The following LRTM3 variants were observed in gnomAD, a reference collection of about 807,000 sequenced individuals.
LRTM3 encodes leucine-rich repeat transmembrane protein 3.
At chr13:102,739,892 T>C in the LRTM3 span, 2 of 1,550,320 alleles carry the variant, frequency 1.3e-6, no homozygotes, top group East Asian at 4.9e-5. Flanking sequence ...CATGTTCCAC[T>C]GCATTTCTAG....
the LRTM3 span, chr13:102,741,915 C>T: frequency 1.9e-6 from 3 of 1,550,440 alleles, no homozygotes; most frequent in Non-Finnish European, 2.6e-6. Context: ...TGGGATATGT[C>T]TTCTGAAATG....
At chr13:102,745,095 G>C in the LRTM3 span, 8 of 1,550,772 alleles carry the variant, frequency 5.2e-6, no homozygotes, top group South Asian at 8.3e-5. Flanking sequence ...GGCTGAAGTT[G>C]CTGTGGGACA....
At chr13:102,733,877 T>C in the LRTM3 span, 2 of 1,551,336 alleles carry the variant, frequency 1.3e-6, no homozygotes, top group Non-Finnish European at 1.7e-6. Flanking sequence ...AACAACGTTT[T>C]TATCAACGCC....
At chr13:102,734,074 A>G in the LRTM3 span, 1 of 1,551,436 alleles carries the variant, frequency 6.4e-7, no homozygotes, top group Non-Finnish European at 8.7e-7. Context: ...CTTCATCTTT[A>G]TCTTTGTGTA....
At chr13:102,734,781 TAGATTTGGTC>T in the LRTM3 span, 2 of 1,551,058 alleles carry the variant, frequency 1.3e-6, no homozygotes, top group Non-Finnish European at 1.7e-6. Context: ...GGCAATGAAG[TAGATTTGGTC>T]AGAACCACAC....
chr13:102,747,269 G>C, the LRTM3 span: 1 of 1,549,166 alleles, frequency 6.5e-7, no homozygotes, highest in Non-Finnish European at 8.7e-7. Context: ...AGACATGGGA[G>C]GGTAAATAAC....
the LRTM3 span, chr13:102,736,371 C>G: frequency 6.4e-7 from 1 of 1,551,072 alleles, no homozygotes; most frequent in Non-Finnish European, 8.7e-7. Context: ...GCCTTGAAAA[C>G]GGCACCATTG....
chr13:102,735,555 A>AT, the LRTM3 span: 3 of 1,550,556 alleles, frequency 1.9e-6, no homozygotes, highest in Non-Finnish European at 2.6e-6. Context: ...TTCCACTGCA[A>AT]TTTTTTGGTA....
At chr13:102,753,398 A>G in the LRTM3 span, among the ~76,000 whole-genome samples, 1 of 151,896 alleles carries the variant, frequency 6.6e-6, no homozygotes, top group Non-Finnish European at 1.5e-5. Context: ...AACCTAGATG[A>G]CGGGTTGATA....
the LRTM3 span, among the ~76,000 whole-genome samples, chr13:102,755,500 G>C: frequency 1.3e-5 from 2 of 152,094 alleles, no homozygotes; most frequent in Non-Finnish European, 2.9e-5. Flanking sequence ...GCCTTTGCAG[G>C]GACATGGATG....
At chr13:102,734,706 T>A in the LRTM3 span, 1 of 1,551,236 alleles carries the variant, frequency 6.4e-7, no homozygotes. Context: ...AAAATAGGTC[T>A]TTTAAGTCTT....
At chr13:102,749,060 A>G in the LRTM3 span, 1 of 1,550,606 alleles carries the variant, frequency 6.4e-7, no homozygotes, top group Non-Finnish European at 8.7e-7. Context: ...AAGCTTGGAA[A>G]CAGAAATAAG....
the LRTM3 span, chr13:102,734,776 T>A: frequency 1.3e-6 from 2 of 1,551,170 alleles, no homozygotes; most frequent in South Asian, 1.2e-5. Flanking sequence ...GAGATGGCAA[T>A]GAAGTAGATT....
chr13:102,744,743 C>T, the LRTM3 span: 4 of 1,550,668 alleles, frequency 2.6e-6, no homozygotes, highest in South Asian at 3.6e-5. Flanking sequence ...TTTATCTTCC[C>T]TTTCATGTTG....
chr13:102,744,628 T>A, the LRTM3 span: 1 of 1,550,854 alleles, frequency 6.4e-7, no homozygotes, highest in Non-Finnish European at 8.7e-7. Flanking sequence ...GACTCTTCGG[T>A]TCAGATCCTG....
chr13:102,749,451 T>C, the LRTM3 span: 1 of 1,551,320 alleles, frequency 6.4e-7, no homozygotes, highest in Non-Finnish European at 8.7e-7. Flanking sequence ...TTAAAAATAG[T>C]GTCTTGCCCC....
the LRTM3 span, chr13:102,731,220 T>C: frequency 6.4e-7 from 1 of 1,551,436 alleles, no homozygotes; most frequent in East Asian, 2.4e-5. Context: ...TTCATATTGC[T>C]GGCAAGAGGT....
chr13:102,752,919 G>C, the LRTM3 span, among the ~76,000 whole-genome samples: 2 of 152,114 alleles, frequency 1.3e-5, no homozygotes, highest in Non-Finnish European at 2.9e-5. Flanking sequence ...ATTTAGAGTG[G>C]GGCCCTAATC....
the LRTM3 span, chr13:102,748,918 A>G: frequency 1.3e-6 from 2 of 1,550,532 alleles, no homozygotes; most frequent in Non-Finnish European, 1.7e-6. Flanking sequence ...TCTCCTCAAG[A>G]GGACCTGCAT....
Sources: allele counts gnomAD v4.1 joint callset (sites outside exome capture counted in the v4.1 genomes callset), GRCh38; gene constraint gnomAD v4.1.1; transcripts MANE v1.5; gene names NCBI Gene and HGNC (gene_info 2026-07-23, HGNC 2026-07-21).